Variants in NLGN1 observed in about 807,000 individuals in gnomAD.
The protein encoded by NLGN1 is neuroligin 1, also known as neuroligin-1.
A neutral mutation model predicts 65.5 loss-of-function variants in NLGN1; 12 were observed. The ratio of observed to expected loss-of-function variants is 0.18; its 90% confidence interval spans 0.12 to 0.30. The LOEUF (loss-of-function observed/expected upper bound fraction) is 0.30, where lower values mean the gene tolerates loss of function less well. Among genes scored for constraint, NLGN1 ranks in the 10% least tolerant of loss-of-function variants. NLGN1 has a pLI of 1.00. For synonymous variants in NLGN1, 350 were observed against 359.5 expected (o/e 0.97, Z 0.30); for missense variants, 750 against 1,007.1 (o/e 0.74, Z 3.46).
chr3:173,953,512 G>T (rs1020051433), intron 4 of NLGN1, among the ~76,000 whole-genome samples: 3 of 151,968 alleles, frequency 2.0e-5, no homozygotes, highest in Non-Finnish European at 2.9e-5. Context: ...GACTGCCTGA[G>T]GCCATTTTAT....
rs1224471512 is a variant in NLGN1 at position 174,261,312 on chromosome 3, C to A, written c.647-14003C>A. ...TTTCACGATATTGATTCTTCCTACCCATGAGCATGGAATGTTCTTCCATTT... is the reference window on the plus strand; with the variant it reads ...TTTCACGATATTGATTCTTCCTACCAATGAGCATGGAATGTTCTTCCATTT... On this transcript the variant is annotated intron_variant, in intron 4 of 6. Transcript: ENST00000457714. Among the ~76,000 whole-genome samples, 746 of 147,430 alleles carry A rather than the reference C, an allele frequency of 5.1e-3. 13 individuals are homozygous for A. The highest frequency in any genetic ancestry group is 0.034 in the East Asian group (164 of 4,774).
At chr3:173,834,318 T>C (rs1010302770) in intron 4 of NLGN1, among the ~76,000 whole-genome samples, 12 of 152,170 alleles carry the variant, frequency 7.9e-5, no homozygotes, top group Non-Finnish European at 1.8e-4. Context: ...TTTATTACTC[T>C]TTATTTTTTG....
chr3:173,508,051 G>C (rs1732320750), intron 2 of NLGN1, among the ~76,000 whole-genome samples: 1 of 152,100 alleles, frequency 6.6e-6, no homozygotes, highest in South Asian at 2.1e-4. Flanking sequence ...CTGTCTTCAG[G>C]ACAACTGAAT....
At chr3:174,142,282 C>T (rs1355564245) in intron 4 of NLGN1, among the ~76,000 whole-genome samples, 1 of 152,104 alleles carries the variant, frequency 6.6e-6, no homozygotes, top group East Asian at 1.9e-4. Context: ...CATAATAATT[C>T]ACTATATGAA....
chr3:173,589,882 T>A (rs75614976), intron 2 of NLGN1, among the ~76,000 whole-genome samples: 1 of 152,190 alleles, frequency 6.6e-6, no homozygotes, highest in Non-Finnish European at 1.5e-5. Context: ...TTGTCATTGC[T>A]TTTTAAAAAA....
intron 2 of NLGN1, among the ~76,000 whole-genome samples, chr3:173,591,266 A>G (rs949495905): frequency 3.9e-5 from 6 of 152,142 alleles, no homozygotes; most frequent in Non-Finnish European, 7.4e-5. Context: ...TGAACAGGGC[A>G]TTATTTTGAA....
intron 4 of NLGN1, among the ~76,000 whole-genome samples, chr3:174,073,235 A>G (rs886261564): frequency 5.9e-5 from 9 of 152,112 alleles, no homozygotes; most frequent in African/African-American, 1.9e-4. Flanking sequence ...CTAGGGATAC[A>G]GAAGCCATTC....
chr3:173,542,228 C>G (rs1358146396), intron 2 of NLGN1, among the ~76,000 whole-genome samples: 1 of 151,798 alleles, frequency 6.6e-6, no homozygotes, highest in Non-Finnish European at 1.5e-5. Context: ...CTGTCTTATT[C>G]TTGTATGGCT....
intron 3 of NLGN1, among the ~76,000 whole-genome samples, chr3:173,778,325 T>G (rs1780620300): frequency 2.0e-5 from 3 of 151,898 alleles, no homozygotes; most frequent in Non-Finnish European, 4.4e-5. Flanking sequence ...TCTACCATTG[T>G]TAATTTTTTT....
chr3:173,483,824 A>ACGTCAC (rs1427176875), intron 2 of NLGN1, among the ~76,000 whole-genome samples: 5 of 152,144 alleles, frequency 3.3e-5, no homozygotes, highest in African/African-American at 1.2e-4. Context: ...AAAGCATCAC[A>ACGTCAC]TGTCACTCCT....
chr3:174,270,750 G>A (rs1749245145), intron 4 of NLGN1, among the ~76,000 whole-genome samples: 1 of 151,890 alleles, frequency 6.6e-6, no homozygotes, highest in African/African-American at 2.4e-5. Context: ...GACAGAGGCA[G>A]AATGCAGAGG....
chr3:173,630,300 G>A (rs1560077895), intron 3 of NLGN1, among the ~76,000 whole-genome samples: 1 of 152,058 alleles, frequency 6.6e-6, no homozygotes, highest in African/African-American at 2.4e-5. Context: ...TTTATATAAT[G>A]AATGTTAAGT....
intron 2 of NLGN1, among the ~76,000 whole-genome samples, chr3:173,480,917 C>T (rs913189283): frequency 3.3e-5 from 5 of 152,036 alleles, no homozygotes; most frequent in Non-Finnish European, 5.9e-5. Context: ...AATGAGTGTA[C>T]GTGTATGTGT....
chr3:173,486,952 C>T (rs1443185839), intron 2 of NLGN1, among the ~76,000 whole-genome samples: 1 of 151,792 alleles, frequency 6.6e-6, no homozygotes. Flanking sequence ...CTTATGACTA[C>T]TCCTCTAAGT....
chr3:173,798,158 T>A (rs1352256531), intron 3 of NLGN1, among the ~76,000 whole-genome samples: 1 of 152,114 alleles, frequency 6.6e-6, no homozygotes, highest in African/African-American at 2.4e-5. Flanking sequence ...AAAAAAAATT[T>A]GAGCTCACAT....
chr3:174,111,322 G>A (rs1259455311), intron 4 of NLGN1, among the ~76,000 whole-genome samples: 5 of 151,836 alleles, frequency 3.3e-5, no homozygotes, highest in Admixed American at 3.3e-4. Flanking sequence ...TTGATCGTAT[G>A]TAAGAATGGA....
intron 2 of NLGN1, among the ~76,000 whole-genome samples, chr3:173,523,701 T>A (rs1164598891): frequency 6.6e-6 from 1 of 151,648 alleles, no homozygotes; most frequent in East Asian, 1.9e-4. Flanking sequence ...TGCCTCCAGA[T>A]TTTTTCTTAT....
At chr3:173,877,533 T>C (rs1732372479) in intron 4 of NLGN1, among the ~76,000 whole-genome samples, 1 of 152,088 alleles carries the variant, frequency 6.6e-6, no homozygotes, top group Non-Finnish European at 1.5e-5. Context: ...AGTTCTGTAC[T>C]CTAGTTAATA....
intron 3 of NLGN1, among the ~76,000 whole-genome samples, chr3:173,783,215 C>T (rs537538559): frequency 9.9e-5 from 15 of 152,158 alleles, no homozygotes; most frequent in African/African-American, 3.6e-4. Context: ...TTGGATTTCT[C>T]AACTTTGTGA....
Sources: allele counts gnomAD v4.1 joint callset (sites outside exome capture counted in the v4.1 genomes callset), GRCh38; gene constraint gnomAD v4.1.1; transcripts MANE v1.5; gene names NCBI Gene and HGNC (gene_info 2026-07-23, HGNC 2026-07-21).